Variants in ARHGEF3 observed in about 807,000 individuals in gnomAD.
The protein encoded by ARHGEF3 is 59.8 kDA protein.
In ARHGEF3, 28 loss-of-function variants were observed where a neutral mutation model predicts 63.2. That is an observed-to-expected ratio of 0.44 (90% CI 0.33 to 0.61). The LOEUF is 0.61. Among genes scored for constraint, ARHGEF3 ranks in the 20% least tolerant of loss-of-function variants. The pLI, the probability that ARHGEF3 is intolerant of heterozygous loss-of-function variation, is 0.03. For missense variants in ARHGEF3, 533 were observed against 659.3 expected (o/e 0.81, Z 2.10); for synonymous variants, 266 against 254.2 (o/e 1.05, Z -0.44).
chr3:57,076,115 G>A (rs1001106387), intron 1 of ARHGEF3, among the ~76,000 whole-genome samples: 7 of 152,160 alleles, frequency 4.6e-5, no homozygotes, highest in African/African-American at 1.7e-4. Context: ...AGCTAGGGTT[G>A]CTTTAATAAA....
chr3:56,813,307 A>G (rs2038140675), intron 4 of ARHGEF3, among the ~76,000 whole-genome samples: 1 of 152,152 alleles, frequency 6.6e-6, no homozygotes, highest in African/African-American at 2.4e-5. Context: ...TCATGGGAGG[A>G]GGAGAATTTG....
chr3:57,056,384 C>CAAAAAAA (rs10666149), intron 1 of ARHGEF3, among the ~76,000 whole-genome samples: 10 of 108,290 alleles, frequency 9.2e-5, no homozygotes, highest in Admixed American at 2.2e-4. Flanking sequence ...AAGACTCCAT[C>CAAAAAAA]AAAAAAAAAA....
chr3:56,760,239 T>C (rs542290109), intron 2 of ARHGEF3, among the ~76,000 whole-genome samples: 45 of 152,210 alleles, frequency 3.0e-4, no homozygotes, highest in Non-Finnish European at 5.3e-4. Flanking sequence ...ATTCCTCAGA[T>C]AGGTACATAA....
At chr3:57,049,636 A>G (rs529403487) in intron 1 of ARHGEF3, among the ~76,000 whole-genome samples, 2 of 152,356 alleles carry the variant, frequency 1.3e-5, no homozygotes, top group African/African-American at 4.8e-5. Flanking sequence ...TCTAGGCTTT[A>G]CTACCTAGAA....
At chr3:56,776,874 C>G (rs1004568559) in intron 1 of ARHGEF3, among the ~76,000 whole-genome samples, 1 of 152,060 alleles carries the variant, frequency 6.6e-6, no homozygotes, top group East Asian at 1.9e-4. Flanking sequence ...ACACCACCCC[C>G]CACCACGTGA....
intron 2 of ARHGEF3, among the ~76,000 whole-genome samples, chr3:57,025,340 T>C (rs1057444206): frequency 1.3e-5 from 2 of 152,180 alleles, no homozygotes; most frequent in Admixed American, 1.3e-4. Flanking sequence ...AATGACACAA[T>C]GATCCACGAT....
At chr3:56,878,021 A>G (rs1230974550) in intron 4 of ARHGEF3, among the ~76,000 whole-genome samples, 1 of 152,140 alleles carries the variant, frequency 6.6e-6, no homozygotes, top group Non-Finnish European at 1.5e-5. Context: ...TATTGTTCAC[A>G]TTTTCCAGTT....
chr3:56,911,479 T>C (rs940114447), intron 3 of ARHGEF3, among the ~76,000 whole-genome samples: 1 of 152,022 alleles, frequency 6.6e-6, no homozygotes, highest in Non-Finnish European at 1.5e-5. Context: ...CCACTTTGTC[T>C]ATATTTAGGT....
At chr3:56,742,509 C>T (rs1162324574) in intron 7 of ARHGEF3, among the ~76,000 whole-genome samples, 1 of 152,110 alleles carries the variant, frequency 6.6e-6, no homozygotes, top group Non-Finnish European at 1.5e-5. Flanking sequence ...TGATTTTTCC[C>T]TTTTCATTGA....
At chr3:57,042,676 A>T (rs1346977552) in intron 1 of ARHGEF3, among the ~76,000 whole-genome samples, 9 of 27,668 alleles carry the variant, frequency 3.3e-4, no homozygotes, top group African/African-American at 1.0e-3. Flanking sequence ...ATATATATAT[A>T]TATATATATA....
chr3:56,773,753 G>T lies in ARHGEF3; in HGVS notation c.160C>A (p.Pro54Thr). Residue 54 changes from proline to threonine, a missense_variant, in exon 2 of 10, where the codon CCC becomes ACC. Physicochemically the swap from Pro to Thr is conservative, Grantham distance 38. Around this residue, in one of 4 missense-constraint regions of ARHGEF3, gnomAD observed 160 missense variants for 157.3 expected, o/e 1.02. Transcript: ENST00000296315. ...CGCTTTAATGGCGTGGCCTTCACGGGCGGGATGAGGTTTGCTAGCGACGTG... is the reference window on the plus strand; with the variant it reads ...CGCTTTAATGGCGTGGCCTTCACGGTCGGGATGAGGTTTGCTAGCGACGTG... The part of the protein sequence containing the change: ...RVTSLANLIP[P>T]VKATPLKRFS... 6.2e-7 allele frequency: 1 copy of T among 1,602,156 alleles called. No homozygotes were observed. The highest frequency in any genetic ancestry group is 1.1e-5 in the South Asian group (1 of 89,132).
At chr3:56,966,204 C>T (rs375026283) in intron 2 of ARHGEF3, among the ~76,000 whole-genome samples, 2 of 152,068 alleles carry the variant, frequency 1.3e-5, no homozygotes, top group East Asian at 3.9e-4. Context: ...GGTATAGGGC[C>T]TGGGTTGGAG....
chr3:56,801,584 C>T (rs2037650729), intron 1 of ARHGEF3, 119 bp downstream of exon 1: 2 of 1,324,900 alleles, frequency 1.5e-6, no homozygotes, highest in South Asian at 2.9e-5. Context: ...GTGGCACACA[C>T]GGAGAGTGAG....
At chr3:56,992,293 C>A (rs55815939) in intron 2 of ARHGEF3, among the ~76,000 whole-genome samples, 1 of 137,856 alleles carries the variant, frequency 7.3e-6, no homozygotes, top group South Asian at 2.3e-4. Flanking sequence ...CCTGTGAAAT[C>A]TGAAGAATGA....
chr3:57,073,823 T>G, intron 1 of ARHGEF3: 1 of 1,614,020 alleles, frequency 6.2e-7, no homozygotes, highest in East Asian at 2.2e-5. Flanking sequence ...CCACCCAACA[T>G]CCCAACAAAC....
intron 3 of ARHGEF3, among the ~76,000 whole-genome samples, chr3:56,953,338 A>T (rs1395645705): frequency 6.6e-6 from 1 of 152,214 alleles, no homozygotes; most frequent in Non-Finnish European, 1.5e-5. Context: ...TTCCTTCTAT[A>T]CACGGAGAAT....
intron 4 of ARHGEF3, among the ~76,000 whole-genome samples, chr3:56,861,894 T>A (rs2040087469): frequency 6.7e-6 from 1 of 149,436 alleles, no homozygotes; most frequent in Non-Finnish European, 1.5e-5. Context: ...ACTCTCTCTC[T>A]ACCAAATGTC....
rs73075773 is a variant in ARHGEF3, at chr3:56,728,498, C to T, written c.*772G>A. 6.5e-6 allele frequency: 1 copy of T among 152,738 alleles called. No homozygotes were observed. Among genetic ancestry groups the T allele is most frequent in the Non-Finnish European group, 1.5e-5 (1 of 68,046 alleles). 9.5% of individuals were successfully genotyped at this position (152,738 alleles called of 1,614,324 possible). On this transcript the variant is annotated 3_prime_UTR_variant, in exon 10 of 10. Coordinates refer to ENST00000296315, the MANE Select transcript of ARHGEF3 (RefSeq NM_019555.3). ...TTATCCTGGCAGGCCTTCCTAAGCC[C>T]TTTGGGTTCTATTCTGATGTTTTAG...
Position 56,889,214 on chromosome 3 carries a change from G to A in ARHGEF3, c.130-6860C>T, listed in dbSNP as rs143349358. ...ACAAGGCAGACATCTGAATCTCATC[G>A]GTAAATAACCCATGAACAAACTGCC... On this transcript the variant is annotated intron_variant, in intron 3 of 12. Transcript: ENST00000338458. Among the ~76,000 whole-genome samples, 185 of 152,144 alleles carry A rather than the reference G, an allele frequency of 1.2e-3. 2 individuals carry two copies. The highest frequency in any genetic ancestry group is 4.3e-3 in the African/African-American group (177 of 41,528).
Sources: allele counts gnomAD v4.1 joint callset (sites outside exome capture counted in the v4.1 genomes callset), GRCh38; gene constraint gnomAD v4.1.1; regional missense constraint gnomAD v4.1.1; transcripts MANE v1.5; gene names NCBI Gene and HGNC (gene_info 2026-07-23, HGNC 2026-07-21).